RBMS3: variants seen among roughly 807,000 people sequenced by gnomAD.
The protein encoded by RBMS3 is RNA-binding motif, single-stranded-interacting protein 3.
Under a neutral mutation model 66.8 loss-of-function variants are expected in RBMS3, and 27 were observed. The observed-to-expected ratio is 0.40, with a 90% CI of 0.30 to 0.56. The LOEUF is 0.56. RBMS3 is among the 20% of genes least tolerant of loss of function. The pLI is 0.40. For synonymous variants in RBMS3, 188 were observed against 183.0 expected, an observed-to-expected ratio of 1.03 and a Z score of -0.22; for missense variants, 513 against 549.5, an observed-to-expected ratio of 0.93 and a Z score of 0.66.
At chr3:29,403,775 G>T (rs999870025) in intron 1 of RBMS3, among the ~76,000 whole-genome samples, 33 of 152,032 alleles carry the variant, frequency 2.2e-4, no homozygotes, top group African/African-American at 8.0e-4. Context: ...TAATAAAAAA[G>T]AAATTCCTTG....
intron 3 of RBMS3, among the ~76,000 whole-genome samples, chr3:29,547,971 T>C (rs996656062): frequency 6.6e-6 from 1 of 152,000 alleles, no homozygotes; most frequent in African/African-American, 2.4e-5. Flanking sequence ...ATTATTATAT[T>C]ATTAGTAGAG....
At chr3:29,468,719 T>A (rs894724294) in intron 2 of RBMS3, among the ~76,000 whole-genome samples, 1 of 152,170 alleles carries the variant, frequency 6.6e-6, no homozygotes, top group African/African-American at 2.4e-5. Context: ...TTTTCTTTTT[T>A]CTTTTTGTTT....
At chr3:29,373,026 T>A (rs2038288531) in intron 1 of RBMS3, among the ~76,000 whole-genome samples, 1 of 152,180 alleles carries the variant, frequency 6.6e-6, no homozygotes, top group Non-Finnish European at 1.5e-5. Context: ...GCAGGAAAAA[T>A]TCTAAAACTG....
chr3:29,808,015 C>T (rs570388379), intron 6 of RBMS3, among the ~76,000 whole-genome samples: 2 of 152,012 alleles, frequency 1.3e-5, no homozygotes, highest in East Asian at 3.9e-4. Context: ...TGGTAACCCA[C>T]ATACCACATT....
At chr3:29,355,984 G>A (rs753629912) in intron 1 of RBMS3, among the ~76,000 whole-genome samples, 19 of 151,984 alleles carry the variant, frequency 1.3e-4, no homozygotes, top group African/African-American at 3.4e-4. Flanking sequence ...GATATCTATC[G>A]CAATAACTTA....
intron 3 of RBMS3, among the ~76,000 whole-genome samples, chr3:29,574,498 T>G (rs1481156792): frequency 1.3e-5 from 2 of 152,134 alleles, no homozygotes; most frequent in African/African-American, 4.8e-5. Flanking sequence ...TTATGGAATC[T>G]TATTTTTTCA....
At chr3:29,544,347 A>G (rs971652781) in intron 3 of RBMS3, among the ~76,000 whole-genome samples, 1 of 152,048 alleles carries the variant, frequency 6.6e-6, no homozygotes, top group African/African-American at 2.4e-5. Context: ...TTTTTCACTG[A>G]TGATAAAATC....
At chr3:29,770,297 T>C (rs2056142001) in intron 6 of RBMS3, among the ~76,000 whole-genome samples, 1 of 152,042 alleles carries the variant, frequency 6.6e-6, no homozygotes, top group Non-Finnish European at 1.5e-5. Context: ...TTTGGCATAA[T>C]ATTGTTGCTC....
At chr3:29,546,391 C>G (rs1308797633) in intron 3 of RBMS3, among the ~76,000 whole-genome samples, 1 of 152,042 alleles carries the variant, frequency 6.6e-6, no homozygotes, top group Non-Finnish European at 1.5e-5. Context: ...CCTCAACTGC[C>G]TCACAACACT....
At chr3:29,846,233 A>G (rs2888166) in intron 6 of RBMS3, among the ~76,000 whole-genome samples, 70,122 of 151,940 alleles carry the variant, frequency 0.46, 16,937 homozygotes, top group Non-Finnish European at 0.55. Flanking sequence ...GCAGAATTCC[A>G]AAAAGAGATG....
intron 14 of RBMS3, among the ~76,000 whole-genome samples, chr3:30,002,395 A>G (rs1287117058): frequency 1.3e-5 from 2 of 151,958 alleles, no homozygotes; most frequent in Non-Finnish European, 2.9e-5. Flanking sequence ...CCCCCAACAC[A>G]CACACACATA....
chr3:29,421,781 AAAG>A (rs1180193588), intron 1 of RBMS3, among the ~76,000 whole-genome samples: 2 of 152,194 alleles, frequency 1.3e-5, no homozygotes, highest in Admixed American at 1.3e-4. Context: ...ATGTCCCATT[AAAG>A]AAGGACATTC....
intron 2 of RBMS3, among the ~76,000 whole-genome samples, chr3:29,486,308 T>C (rs1010227152): frequency 6.6e-6 from 1 of 152,144 alleles, no homozygotes; most frequent in African/African-American, 2.4e-5. Flanking sequence ...TGCAAATTAA[T>C]TGTTAATGCA....
intron 3 of RBMS3, among the ~76,000 whole-genome samples, chr3:29,564,957 A>G (rs2046690720): frequency 6.6e-6 from 1 of 152,190 alleles, no homozygotes; most frequent in Non-Finnish European, 1.5e-5. Context: ...TGCTTCCTAG[A>G]CAAGGATGCT....
chr3:29,362,724 A>G (rs1240469353), intron 1 of RBMS3, among the ~76,000 whole-genome samples: 5 of 152,178 alleles, frequency 3.3e-5, no homozygotes, highest in African/African-American at 1.2e-4. Context: ...TACTTTTTAG[A>G]TTGAGCCATA....
intron 3 of RBMS3, among the ~76,000 whole-genome samples, chr3:29,503,200 C>A (rs2044043727): frequency 6.6e-6 from 1 of 152,066 alleles, no homozygotes; most frequent in African/African-American, 2.4e-5. Flanking sequence ...GGCACCAATT[C>A]TTGCAGCAAA....
At chr3:29,508,160 T>C (rs1331304137) in intron 3 of RBMS3, among the ~76,000 whole-genome samples, 1 of 152,146 alleles carries the variant, frequency 6.6e-6, no homozygotes, top group Non-Finnish European at 1.5e-5. Context: ...CCAGAAATAG[T>C]GTACATTTGT....
At chr3:29,598,549 TACTTA>T (rs554676719) in intron 4 of RBMS3, among the ~76,000 whole-genome samples, 25 of 152,038 alleles carry the variant, frequency 1.6e-4, no homozygotes, top group Non-Finnish European at 3.4e-4. Context: ...CTCTCTCCCT[TACTTA>T]ACTTCTAGAA....
At chr3:29,834,793 T>C (rs1211860564) in intron 6 of RBMS3, among the ~76,000 whole-genome samples, 1 of 152,024 alleles carries the variant, frequency 6.6e-6, no homozygotes, top group East Asian at 1.9e-4. Flanking sequence ...TATTCATAAT[T>C]TGTTTAAAGG....
Sources: allele counts gnomAD v4.1 joint callset (sites outside exome capture counted in the v4.1 genomes callset), GRCh38; gene constraint gnomAD v4.1.1; transcripts MANE v1.5; gene names NCBI Gene and HGNC (gene_info 2026-07-23, HGNC 2026-07-21).